FMN2: variants seen among roughly 807,000 people sequenced by gnomAD.
FMN2 encodes the protein formin 2.
FMN2 carries 51 observed loss-of-function variants against 142.3 expected under a neutral mutation model. The ratio of observed to expected loss-of-function variants is 0.36; its 90% CI spans 0.29 to 0.45. The LOEUF (loss-of-function observed/expected upper bound fraction) is 0.45. FMN2 is among the 20% of genes least tolerant of loss of function. The probability of loss-of-function intolerance (pLI) is 1.00; values close to 1 mark genes in which losing one functional copy is unlikely to be tolerated. For synonymous variants in FMN2, 882 were observed against 869.8 expected, an observed-to-expected ratio of 1.01 and a Z score of -0.25; for missense variants, 1,936 against 2,122.8, an observed-to-expected ratio of 0.91 and a Z score of 1.73.
At chr1:240,275,736 A>G (rs1165638464) in intron 7 of FMN2, among the ~76,000 whole-genome samples, 2 of 152,122 alleles carry the variant, frequency 1.3e-5, no homozygotes, top group African/African-American at 4.8e-5. Context: ...TTTTCTCCAC[A>G]TCCTCTCCAG....
At position 240,174,476 on chromosome 1, in the gene FMN2, T is replaced by C. The variant is rs897302219; in HGVS notation, c.1783-3445T>C. On this transcript the variant is annotated intron_variant, in intron 2 of 17. Coordinates refer to ENST00000319653, the MANE Select transcript of FMN2 (RefSeq NM_020066.5). ...CTCAAGTGATCCTTTCACTTCAGCCTCCTGAGTAGCTAGGAATAAAAGTGT... is the reference window on the plus strand; with the variant it reads ...CTCAAGTGATCCTTTCACTTCAGCCCCCTGAGTAGCTAGGAATAAAAGTGT... 2.6e-5 allele frequency among the ~76,000 whole-genome samples: 4 copies of C among 152,318 alleles called. 1 individual carries two copies. Among genetic ancestry groups the C allele is most frequent in the African/African-American group, 4.8e-5 (2 of 41,558 alleles).
Position 240,150,449 on chromosome 1 carries a change from G to A in FMN2, c.1782+27104G>A, listed in dbSNP as rs569314980. ...AACACAAGGAAAGTTTTTACAACGCGAGACCAAGAAAAACAGGGAAGGCAT... is the reference window on the plus strand; with the variant it reads ...AACACAAGGAAAGTTTTTACAACGCAAGACCAAGAAAAACAGGGAAGGCAT... On this transcript the variant is annotated intron_variant, in intron 2 of 17. Transcript: ENST00000319653. Among the ~76,000 whole-genome samples, 66 of 152,232 alleles carry A rather than the reference G, an allele frequency of 4.3e-4. 1 individual carries two copies. Among genetic ancestry groups the A allele is most frequent in the African/African-American group, 1.5e-3 (64 of 41,544 alleles).
intron 8 of FMN2, among the ~76,000 whole-genome samples, chr1:240,310,481 AACC>A (rs1345801115): frequency 6.6e-6 from 1 of 152,204 alleles, no homozygotes; most frequent in African/African-American, 2.4e-5. Flanking sequence ...TAATTTCAAA[AACC>A]ACAATCCTGA....
intron 7 of FMN2, among the ~76,000 whole-genome samples, chr1:240,274,085 A>G (rs1427395348): frequency 6.6e-6 from 1 of 152,108 alleles, no homozygotes; most frequent in Non-Finnish European, 1.5e-5. Context: ...GCATTCACTC[A>G]ACATTAACTG....
chr1:240,194,634 A>G (rs1220817402), intron 4 of FMN2, among the ~76,000 whole-genome samples: 1 of 152,236 alleles, frequency 6.6e-6, no homozygotes, highest in East Asian at 1.9e-4. Context: ...AGAGACTAGG[A>G]AAGAGGCCCC....
chr1:240,454,817 C>G (rs9442204), intron 16 of FMN2, among the ~76,000 whole-genome samples: 113,178 of 151,920 alleles, frequency 0.74, 42,328 homozygotes, highest in Middle Eastern at 0.82. Flanking sequence ...GGAGCCTGAA[C>G]TTGAGGCTAC....
intron 2 of FMN2, chr1:240,144,556 G>T: frequency 7.1e-7 from 1 of 1,413,618 alleles, no homozygotes; most frequent in Non-Finnish European, 1.0e-6. Flanking sequence ...CCAGCTCCAT[G>T]TCATTGCGCA....
chr1:240,348,466 G>A (rs556082745), intron 13 of FMN2, among the ~76,000 whole-genome samples: 14 of 150,466 alleles, frequency 9.3e-5, no homozygotes, highest in African/African-American at 3.2e-4. Flanking sequence ...CAGGTTATCC[G>A]CCCACCTTGG....
chr1:240,144,887 G>T (rs2103259839), intron 2 of FMN2: 17 of 1,430,004 alleles, frequency 1.2e-5, no homozygotes, highest in Non-Finnish European at 1.7e-5. Flanking sequence ...CACTTCTCCT[G>T]CCAGGTGCCT....
At chr1:240,240,772 A>G (rs190683722) in intron 6 of FMN2, among the ~76,000 whole-genome samples, 312 of 152,326 alleles carry the variant, frequency 2.0e-3, no homozygotes, top group Admixed American at 4.4e-3. Flanking sequence ...GGGAATTCTG[A>G]AGGGAAAAAT....
chr1:240,252,953 C>CTTTTTTTCTTTTTTTTTTTTTTTTTTTTT (rs1668327053), intron 6 of FMN2, among the ~76,000 whole-genome samples: 1 of 65,346 alleles, frequency 1.5e-5, no homozygotes, highest in Non-Finnish European at 2.6e-5. Context: ...GTCTTGTTCA[C>CTTTTTTTCTTTTTTTTTTTTTTTTTTTTT]TTTTTTTTTT....
At chr1:240,449,938 T>G (rs1675948606) in intron 16 of FMN2, among the ~76,000 whole-genome samples, 1 of 152,172 alleles carries the variant, frequency 6.6e-6, no homozygotes, top group African/African-American at 2.4e-5. Context: ...ATCTGTTATC[T>G]TAGCAGGTTT....
At chr1:240,214,364 A>T (rs548272939) in intron 6 of FMN2, among the ~76,000 whole-genome samples, 119 of 151,808 alleles carry the variant, frequency 7.8e-4, no homozygotes, top group African/African-American at 2.8e-3. Context: ...ATCCTGGCTA[A>T]CATGTAGAAA....
chr1:240,188,185 G>A (rs376945669), intron 3 of FMN2, 22 bp from the exon 4 acceptor site: 1 of 1,612,632 alleles, frequency 6.2e-7, no homozygotes, highest in East Asian at 2.2e-5. Context: ...GATACTGACT[G>A]TCTGCTTCCT....
rs577421634 is a variant in FMN2, at chr1:240,228,303, C to CAAAAAAAAAAAAAAAA, written c.4065+17082_4065+17097dup. Among the ~76,000 whole-genome samples the CAAAAAAAAAAAAAAAA allele has an allele frequency of 1.1e-3, 54 of 47,730 alleles. 1 individual carries two copies. Among genetic ancestry groups the CAAAAAAAAAAAAAAAA allele is most frequent in the Non-Finnish European group, 1.9e-3 (42 of 22,460 alleles). 31.3% of individuals were successfully genotyped at this position (47,730 alleles called of 152,430 possible). ...GGGCAACAAGAGTGAAACTCTGTCT[C>CAAAAAAAAAAAAAAAA]AAAAAAAAAAAAAAAAAAAAAAAAA... is the stretch of plus-strand genomic sequence containing the variant. On this transcript the variant is annotated intron_variant, in intron 6 of 17. Coordinates refer to ENST00000319653, the MANE Select transcript of FMN2 (RefSeq NM_020066.5).
At chr1:240,327,942 T>C (rs1572197745) in intron 8 of FMN2, among the ~76,000 whole-genome samples, 1 of 148,354 alleles carries the variant, frequency 6.7e-6, no homozygotes, top group Admixed American at 6.7e-5. Context: ...AGGTCAGGAG[T>C]TCAAGATTAG....
rs948626018 is a variant in FMN2 at position 240,474,255 on chromosome 1, C to T, written c.*101C>T. 7 of 1,074,054 alleles carry T rather than the reference C, an allele frequency of 6.5e-6. No homozygotes were observed. The highest frequency in any genetic ancestry group is 9.2e-6 in the Non-Finnish European group (7 of 761,974). The allele number at this position is 1,074,054 out of a possible 1,614,324, so 66.5% of individuals were successfully genotyped here. A position where few individuals can be genotyped will look rare whatever the true frequency, so the allele number is the denominator to read the frequency against. ...AACTACCGTCATTCTGCTCATGTTTCTTCTTGACCTCTTGCATAATCTTTT... is the reference window on the plus strand; with the variant it reads ...AACTACCGTCATTCTGCTCATGTTTTTTCTTGACCTCTTGCATAATCTTTT... On this transcript the variant is annotated 3_prime_UTR_variant, in exon 18 of 18. Coordinates refer to ENST00000319653, the MANE Select transcript of FMN2 (RefSeq NM_020066.5).
intron 15 of FMN2, among the ~76,000 whole-genome samples, chr1:240,408,171 C>T (rs576807279): frequency 7.9e-5 from 12 of 152,066 alleles, no homozygotes; most frequent in South Asian, 2.1e-4. Context: ...ATGAGTTTTT[C>T]GGGGAAAAAT....
chr1:240,404,651 G>A (rs1202042026), intron 15 of FMN2, among the ~76,000 whole-genome samples: 1 of 152,116 alleles, frequency 6.6e-6, no homozygotes, highest in Non-Finnish European at 1.5e-5. Context: ...TTTATTTTCG[G>A]GCCGTGTGGT....
Sources: gnomAD v4.1 joint callset for allele counts (sites outside exome capture counted in the v4.1 genomes callset) on GRCh38, gnomAD v4.1.1 for gene constraint, MANE v1.5 for transcripts, NCBI Gene and HGNC (gene_info 2026-07-23, HGNC 2026-07-21) for gene names.